MRTFB: variants seen among roughly 807,000 people sequenced by gnomAD.
The protein encoded by MRTFB is myocardin related transcription factor B, also known as myocardin-related transcription factor B.
In MRTFB, 29 loss-of-function variants were observed where a neutral mutation model predicts 104.2. That is an observed-to-expected ratio of 0.28 (90% confidence interval 0.21 to 0.38). The LOEUF (loss-of-function observed/expected upper bound fraction) is 0.38, where lower values mean the gene tolerates loss of function less well. Ranked by LOEUF, MRTFB falls within the 10% of genes least tolerant of loss-of-function variation. The probability of loss-of-function intolerance (pLI) is 1.00; values close to 1 mark genes in which losing one functional copy is unlikely to be tolerated. For missense variants in MRTFB, 1,270 were observed against 1,341.6 expected, an observed-to-expected ratio of 0.95 and a Z score of 0.83; for synonymous variants, 535 against 519.5, an observed-to-expected ratio of 1.03 and a Z score of -0.41.
At chr16:14,063,584 T>TAAC in the MRTFB span, among the ~76,000 whole-genome samples, 1 of 152,198 alleles carries the variant, frequency 6.6e-6, no homozygotes, top group Non-Finnish European at 1.5e-5. Context: ...TAGCTCCCAC[T>TAAC]TATAAGTTAG....
At chr16:14,078,348 T>C (rs1251883868) in intron 1 of MRTFB, among the ~76,000 whole-genome samples, 1 of 152,154 alleles carries the variant, frequency 6.6e-6, no homozygotes, top group African/African-American at 2.4e-5. Flanking sequence ...TTTTTTTGCT[T>C]TATATTATGT....
At chr16:14,103,435 A>G (rs2035804642) in intron 2 of MRTFB, among the ~76,000 whole-genome samples, 1 of 152,100 alleles carries the variant, frequency 6.6e-6, no homozygotes, top group South Asian at 2.1e-4. Context: ...TTGTTTTTTC[A>G]CTAAGGAAAT....
chr16:14,217,913 C>A (rs188767572), intron 7 of MRTFB, among the ~76,000 whole-genome samples: 8 of 152,264 alleles, frequency 5.3e-5, no homozygotes, highest in African/African-American at 1.2e-4. Context: ...ACTGATGTTT[C>A]TCTTTTTGTT....
intron 3 of MRTFB, among the ~76,000 whole-genome samples, chr16:14,199,030 T>C (rs771741536): frequency 2.9e-4 from 44 of 152,188 alleles, no homozygotes; most frequent in Non-Finnish European, 1.3e-4. Context: ...TTTCACTTTC[T>C]CCCTTGCTCT....
At chr16:14,195,703 A>T (rs2040402792) in intron 3 of MRTFB, 1 of 343,248 alleles carries the variant, frequency 2.9e-6, no homozygotes, top group African/African-American at 2.2e-5. Flanking sequence ...TATACAATGT[A>T]CATTTTTCCA....
chr16:14,084,114 A>G lies in MRTFB; in HGVS notation c.-64+4760A>G, dbSNP rs76985558. On this transcript the variant is annotated intron_variant, in intron 2 of 16. Coordinates refer to ENST00000571589, the MANE Select transcript of MRTFB (RefSeq NM_001308142.2). ...TGTTGAGTTCTTTGTTTTTCAGTCT[A>G]TTGCCTTCGTTAACTCATTATAAAT... 3.6e-3 allele frequency among the ~76,000 whole-genome samples: 550 copies of G among 152,288 alleles called. 1 individual carries two copies. The highest frequency in any genetic ancestry group is 0.013 in the African/African-American group (523 of 41,554).
chr16:14,254,545 C>G (rs958870895), intron 15 of MRTFB, among the ~76,000 whole-genome samples: 2 of 152,258 alleles, frequency 1.3e-5, no homozygotes, highest in Non-Finnish European at 2.9e-5. Flanking sequence ...TCCCCAAATT[C>G]TGTGTGCCCA....
At chr16:14,197,073 G>A (rs1440752003) in intron 3 of MRTFB, among the ~76,000 whole-genome samples, 2 of 146,684 alleles carry the variant, frequency 1.4e-5, no homozygotes, top group Non-Finnish European at 1.5e-5. Context: ...GGGTTCAAGC[G>A]ATCCCCACCC....
At chr16:14,130,020 G>A (rs551261563) in intron 2 of MRTFB, among the ~76,000 whole-genome samples, 52 of 152,138 alleles carry the variant, frequency 3.4e-4, no homozygotes, top group Admixed American at 5.9e-4. Context: ...TAGTAGAGAC[G>A]GGATTTTGCT....
At chr16:14,014,834 A>C in the MRTFB span, among the ~76,000 whole-genome samples, 1 of 152,164 alleles carries the variant, frequency 6.6e-6, no homozygotes, top group African/African-American at 2.4e-5. Context: ...GTGCCACTGC[A>C]CTCCAGCCTG....
chr16:14,144,802 AG>A (rs1401799851), intron 3 of MRTFB: 2 of 151,402 alleles, frequency 1.3e-5, no homozygotes, highest in Non-Finnish European at 2.9e-5. Flanking sequence ...ACAAAAAATT[AG>A]CCGGGCGTGG....
At chr16:14,092,557 C>A (rs1193517004) in intron 2 of MRTFB, among the ~76,000 whole-genome samples, 1 of 151,982 alleles carries the variant, frequency 6.6e-6, no homozygotes, top group Non-Finnish European at 1.5e-5. Flanking sequence ...GTTTTTAATG[C>A]CAGTAATTAT....
chr16:14,002,890 G>A, the MRTFB span, among the ~76,000 whole-genome samples: 1 of 151,774 alleles, frequency 6.6e-6, no homozygotes, highest in African/African-American at 2.4e-5. Flanking sequence ...ATTCTCGGTG[G>A]GGAGGAAGGA....
intron 3 of MRTFB, among the ~76,000 whole-genome samples, chr16:14,202,760 T>C (rs566050828): frequency 1.7e-4 from 26 of 152,312 alleles, no homozygotes; most frequent in African/African-American, 5.8e-4. Context: ...CTTACCTGAT[T>C]AAACAAGTGC....
intron 13 of MRTFB, among the ~76,000 whole-genome samples, chr16:14,250,852 GC>G (rs2043224631): frequency 2.6e-5 from 4 of 152,188 alleles, no homozygotes; most frequent in Admixed American, 2.6e-4. Context: ...GAGGGAGAAA[GC>G]AGAGTTGACT....
At chr16:14,253,170 T>C (rs1363427276) in intron 15 of MRTFB, among the ~76,000 whole-genome samples, 1 of 152,166 alleles carries the variant, frequency 6.6e-6, no homozygotes, top group African/African-American at 2.4e-5. Context: ...ATATGGCCCA[T>C]GGTGGGTGCC....
intron 8 of MRTFB, among the ~76,000 whole-genome samples, chr16:14,232,274 C>G (rs912840660): frequency 1.3e-5 from 2 of 152,178 alleles, no homozygotes; most frequent in African/African-American, 4.8e-5. Flanking sequence ...GAATGTTTTC[C>G]CCTCTGTGAA....
intron 3 of MRTFB, chr16:14,144,481 G>C (rs1043621775): frequency 1.3e-5 from 2 of 152,078 alleles, no homozygotes; most frequent in Non-Finnish European, 1.5e-5. Flanking sequence ...GAGATCTATT[G>C]CAAAACATGG....
intron 2 of MRTFB, among the ~76,000 whole-genome samples, chr16:14,112,013 T>G (rs1348422417): frequency 6.6e-6 from 1 of 152,152 alleles, no homozygotes; most frequent in Non-Finnish European, 1.5e-5. Context: ...GGGCATTGCT[T>G]CACTGATTTG....
Sources: gnomAD v4.1 joint callset for allele counts (sites outside exome capture counted in the v4.1 genomes callset) on GRCh38, gnomAD v4.1.1 for gene constraint, MANE v1.5 for transcripts, NCBI Gene and HGNC (gene_info 2026-07-23, HGNC 2026-07-21) for gene names.